The following BCL9 variants were observed in gnomAD, a reference collection of about 807,000 sequenced individuals.
The protein encoded by BCL9 is B-cell CLL/lymphoma 9 protein.
BCL9 carries 25 observed loss-of-function variants against 88.5 expected under a neutral mutation model. The observed-to-expected ratio is 0.28, with a 90% CI of 0.21 to 0.39. The LOEUF is 0.39. Among genes scored for constraint, BCL9 ranks in the 10% least tolerant of loss-of-function variants. BCL9 has a pLI of 1.00. For missense variants in BCL9, 1,817 were observed against 1,877.8 expected, an observed-to-expected ratio of 0.97 and a Z score of 0.60; for synonymous variants, 711 against 673.3, an observed-to-expected ratio of 1.06 and a Z score of -0.87.
At chr1:147,618,340 G>A (rs1006668553) in intron 7 of BCL9, among the ~76,000 whole-genome samples, 3 of 152,086 alleles carry the variant, frequency 2.0e-5, no homozygotes, top group African/African-American at 4.8e-5. Context: ...AGTGACTTAC[G>A]CTTTCTCTCT....
At chr1:147,605,351 T>C (rs1431889768) in intron 2 of BCL9, among the ~76,000 whole-genome samples, 2 of 152,226 alleles carry the variant, frequency 1.3e-5, no homozygotes, top group African/African-American at 2.4e-5. Context: ...TTTTGTGTTA[T>C]AACAGTTTGT....
chr1:147,599,821 GC>G (rs1464602209), intron 1 of BCL9, among the ~76,000 whole-genome samples: 8 of 151,800 alleles, frequency 5.3e-5, no homozygotes, highest in Admixed American at 3.9e-4. Flanking sequence ...GCAGGGCCCT[GC>G]GGGAAGCTGG....
intron 1 of BCL9, among the ~76,000 whole-genome samples, chr1:147,543,335 C>G (rs1654416927): frequency 6.6e-6 from 1 of 152,216 alleles, no homozygotes; most frequent in African/African-American, 2.4e-5. Context: ...GTGCCTCCTT[C>G]CATTCTAACT....
chr1:147,623,406 C>T (rs1488684748), intron 9 of BCL9, among the ~76,000 whole-genome samples: 1 of 152,144 alleles, frequency 6.6e-6, no homozygotes, highest in Non-Finnish European at 1.5e-5. Flanking sequence ...AAAATAATGC[C>T]AAATGCCAAT....
chr1:147,588,802 C>T (rs1656726858), intron 1 of BCL9, among the ~76,000 whole-genome samples: 1 of 152,194 alleles, frequency 6.6e-6, no homozygotes, highest in Non-Finnish European at 1.5e-5. Context: ...GCTTTTGAGA[C>T]CCTGCACTCC....
intron 1 of BCL9, among the ~76,000 whole-genome samples, chr1:147,566,981 G>C (rs1655632855): frequency 6.6e-6 from 1 of 152,146 alleles, no homozygotes; most frequent in African/African-American, 2.4e-5. Context: ...CATTAAATTG[G>C]GCCCTGTGGG....
chr1:147,597,516 C>T (rs182971090), intron 1 of BCL9, among the ~76,000 whole-genome samples: 36 of 152,230 alleles, frequency 2.4e-4, no homozygotes, highest in Admixed American at 2.4e-3. Context: ...GTTTGAAGCT[C>T]TTATTCATAG....
At chr1:147,621,822 G>A (rs1658665692) in intron 8 of BCL9, among the ~76,000 whole-genome samples, 1 of 152,156 alleles carries the variant, frequency 6.6e-6, no homozygotes, top group Non-Finnish European at 1.5e-5. Context: ...CTTGGTTGTG[G>A]AAATTAATCA....
At chr1:147,618,339 C>T (rs904487691) in intron 7 of BCL9, among the ~76,000 whole-genome samples, 9 of 152,128 alleles carry the variant, frequency 5.9e-5, no homozygotes, top group Non-Finnish European at 7.4e-5. Flanking sequence ...AAGTGACTTA[C>T]GCTTTCTCTC....
intron 1 of BCL9, among the ~76,000 whole-genome samples, chr1:147,562,532 G>C (rs1553196240): frequency 6.6e-6 from 1 of 152,154 alleles, no homozygotes; most frequent in East Asian, 1.9e-4. Flanking sequence ...AGACCAGTTT[G>C]AGAGTTACTG....
chr1:147,598,149 T>C (rs988932955), intron 1 of BCL9, among the ~76,000 whole-genome samples: 86 of 152,336 alleles, frequency 5.6e-4, no homozygotes, highest in African/African-American at 2.0e-3. Context: ...TCTAATACCA[T>C]AAGAAAAGTC....
At chr1:147,599,141 G>A (rs1426326762) in intron 1 of BCL9, among the ~76,000 whole-genome samples, 1 of 152,218 alleles carries the variant, frequency 6.6e-6, no homozygotes, top group Non-Finnish European at 1.5e-5. Flanking sequence ...GAGCCAGGCT[G>A]GGCTGGGCCG....
At chr1:147,604,110 A>G (rs2101595542) in intron 1 of BCL9, among the ~76,000 whole-genome samples, 1 of 152,308 alleles carries the variant, frequency 6.6e-6, no homozygotes, top group South Asian at 2.1e-4. Context: ...GTTGGTGACA[A>G]GGTCACAGAA....
chr1:147,602,928 A>G (rs1482494604), intron 1 of BCL9, among the ~76,000 whole-genome samples: 11 of 152,202 alleles, frequency 7.2e-5, no homozygotes, highest in Admixed American at 6.5e-4. Flanking sequence ...TCTCCCATTG[A>G]CTTATGTGTG....
chr1:147,545,483 G>T (rs1654524293), intron 1 of BCL9, among the ~76,000 whole-genome samples: 1 of 152,176 alleles, frequency 6.6e-6, no homozygotes, highest in Admixed American at 6.5e-5. Context: ...AGATTTAACA[G>T]AACTGGAGAG....
rs997753822 is a variant in BCL9 at position 147,624,466 on chromosome 1, C to G, written c.3788C>G (p.Pro1263Arg). The G allele has an allele frequency of 6.2e-7, 1 of 1,614,218 alleles. No individual in the cohort carries two copies. The highest frequency in any genetic ancestry group is 1.7e-5 in the Admixed American group (1 of 60,028). ...PRGEVPGRKQPQGPGPGFSHM... is the reference protein window; with the variant it reads ...PRGEVPGRKQRQGPGPGFSHM... ...GGGGAAGTTCCAGGCCGTAAACAGC[C>G]CCAGGGTCCTGGACCTGGGTTTTCA... The change falls in exon 10 of 10, where the codon CCC becomes CGC. Residue 1263 changes from proline to arginine, a missense_variant. Coordinates refer to ENST00000234739, the MANE Select transcript of BCL9 (RefSeq NM_004326.4). The surrounding 1 kb of genome is among the most constrained non-coding windows in gnomAD (Gnocchi z 4.4).
chr1:147,552,273 G>A (rs10494250), intron 1 of BCL9, among the ~76,000 whole-genome samples: 9,299 of 152,210 alleles, frequency 0.061, 421 homozygotes, highest in East Asian at 0.25. Flanking sequence ...CACACCAGTG[G>A]TTTTATAAAG....
intron 1 of BCL9, among the ~76,000 whole-genome samples, chr1:147,560,029 C>A (rs943835920): frequency 1.3e-5 from 2 of 152,164 alleles, no homozygotes; most frequent in South Asian, 2.1e-4. Flanking sequence ...AAGAGAACTT[C>A]ATATTTCAGA....
At chr1:147,545,464 T>C (rs1411437099) in intron 1 of BCL9, among the ~76,000 whole-genome samples, 1 of 152,162 alleles carries the variant, frequency 6.6e-6, no homozygotes, top group Non-Finnish European at 1.5e-5. Flanking sequence ...GAGGATCTGG[T>C]CAGAGGAAAG....
Sources: allele counts gnomAD v4.1 joint callset (sites outside exome capture counted in the v4.1 genomes callset), GRCh38; gene constraint gnomAD v4.1.1; non-coding constraint Gnocchi (gnomAD v3.1); transcripts MANE v1.5; gene names NCBI Gene and HGNC (gene_info 2026-07-23, HGNC 2026-07-21).